Variants in LMBR1L observed in about 807,000 individuals in gnomAD.
LMBR1L encodes protein LMBR1L.
LMBR1L carries 47 observed loss-of-function variants against 67.3 expected under a neutral mutation model. The observed-to-expected ratio is 0.70, with a 90% CI of 0.55 to 0.89. The LOEUF (loss-of-function observed/expected upper bound fraction) is 0.89, where lower values mean the gene tolerates loss of function less well. Among genes scored for constraint, LMBR1L ranks in the 40% least tolerant of loss-of-function variants. LMBR1L has a pLI of 0.00. For missense variants in LMBR1L, 533 were observed against 599.2 expected, an observed-to-expected ratio of 0.89 and a Z score of 1.15; for synonymous variants, 247 against 250.3, an observed-to-expected ratio of 0.99 and a Z score of 0.13.
In LMBR1L at chr12:49,097,575, T is replaced by C. The variant is rs991178880; in HGVS notation, c.*97A>G. 8.0e-7 allele frequency: 1 copy of C among 1,244,500 alleles called. No individual in the cohort carries two copies. 77.1% of individuals were successfully genotyped at this position (1,244,500 alleles called of 1,614,324 possible). ...CCCCTCTGCCACCCACCCTCTCAGA[T>C]TCCAGGTCCTGAGGTCCAAGTAGCC... is the stretch of plus-strand genomic sequence containing the variant. On this transcript the variant is annotated 3_prime_UTR_variant, in exon 17 of 17. Transcript: ENST00000267102.
chr12:49,104,634 A>C, intron 4 of LMBR1L, 83 bp from the exon 5 acceptor site: 1 of 1,564,800 alleles, frequency 6.4e-7, no homozygotes, highest in Non-Finnish European at 8.8e-7. Context: ...GGAGAAGCAG[A>C]GTGGGAAGGT....
Position 49,097,744 on chromosome 12 carries a change from A to G in LMBR1L, c.1403-5T>C. The G allele has an allele frequency of 6.2e-7, 1 of 1,613,936 alleles. No homozygotes were observed. Among genetic ancestry groups the G allele is most frequent in the Non-Finnish European group, 8.5e-7 (1 of 1,179,920 alleles). The stretch of plus-strand genomic sequence containing the variant: ...GCAGCGGCAGTCTGTCCAGCCCTGG[A>G]GAAGAGGAGATGGGCAGTCAAAAGC... On this transcript the variant is annotated splice_region_variant and splice_polypyrimidine_tract_variant and intron_variant, in intron 16 of 16. Coordinates refer to ENST00000267102, the MANE Select transcript of LMBR1L (RefSeq NM_018113.4).
intron 4 of LMBR1L, 35 bp downstream of exon 4, chr12:49,104,711 A>G: frequency 1.2e-6 from 2 of 1,611,904 alleles, no homozygotes; most frequent in South Asian, 1.1e-5. Flanking sequence ...TCTGCTCCCT[A>G]TCCCTACCCC....
At chr12:49,108,731 C>CA (rs1292105586) in intron 1 of LMBR1L, among the ~76,000 whole-genome samples, 5 of 151,950 alleles carry the variant, frequency 3.3e-5, no homozygotes, top group Admixed American at 3.3e-4. Flanking sequence ...GAGACTAGGT[C>CA]AAAAACAAAA....
chr12:49,097,773 T>G (rs1236377135), intron 16 of LMBR1L, 34 bp from the exon 17 acceptor site: 2 of 1,613,498 alleles, frequency 1.2e-6, no homozygotes, highest in Non-Finnish European at 8.5e-7. Context: ...CAAAAGCAAG[T>G]CAAAGGTCCA....
Position 49,097,381 on chromosome 12 carries a change from GC to G in LMBR1L, c.*290del. 1 of 449,300 alleles carries G rather than the reference GC, an allele frequency of 2.2e-6. No individual in the cohort carries two copies. The highest frequency in any genetic ancestry group is 2.7e-5 in the South Asian group (1 of 37,210). The allele number at this position is 449,300 out of a possible 1,614,324, so 27.8% of individuals were successfully genotyped here. Reference sequence around the variant, plus strand: ...TCATGTAAACATGGCTATGGGGATGGCCCAGAACAGCAGTGAGGCAGATTGA... The same window carrying G: ...TCATGTAAACATGGCTATGGGGATGGCCAGAACAGCAGTGAGGCAGATTGA... On this transcript the variant is annotated 3_prime_UTR_variant, in exon 17 of 17. Coordinates refer to ENST00000267102, the MANE Select transcript of LMBR1L (RefSeq NM_018113.4).
At position 49,104,802 on chromosome 12, in the gene LMBR1L, A is replaced by C; in HGVS notation, c.275T>G (p.Leu92Arg). 6.2e-7 allele frequency: 1 copy of C among 1,613,900 alleles called. No homozygotes were observed. The highest frequency in any genetic ancestry group is 1.1e-5 in the South Asian group (1 of 90,986). ...LPFSIISNEVLLSLPRNYYIQ... is the reference protein window; with the variant it reads ...LPFSIISNEVRLSLPRNYYIQ... The stretch of plus-strand genomic sequence containing the variant: ...GTAGTAGTTCCGAGGCAGGGAGAGC[A>C]GCACCTCATTGCTGATGATGGAGAA... The change falls in exon 4 of 17, where the codon CTG (leucine) becomes CGG (arginine). Residue 92 changes from leucine to arginine, a missense_variant. By Grantham distance (102) the Leu-to-Arg change is moderately radical. Coordinates refer to ENST00000267102, the MANE Select transcript of LMBR1L (RefSeq NM_018113.4).
In LMBR1L at chr12:49,097,976, G is replaced by A. The variant is rs1361293156; in HGVS notation, c.1370C>T (p.Ala457Val). 2 of 1,613,896 alleles carry A rather than the reference G, an allele frequency of 1.2e-6. No homozygotes were observed. The change falls in exon 16 of 17, where the codon GCA (alanine) becomes GTA (valine). Residue 457 changes from alanine (A) to valine (V), a missense_variant. Ala to Val is a moderately conservative substitution (Grantham distance 64). Transcript: ENST00000267102. ...TTLCLVKTFTAAVRAELIRAF... is the reference protein window; with the variant it reads ...TTLCLVKTFTVAVRAELIRAF... Reference sequence around the variant, plus strand: ...CCGGATCAGCTCTGCCCGCACAGCTGCAGTGAAGGTCTTCACCAGACAGAG... The same window carrying A: ...CCGGATCAGCTCTGCCCGCACAGCTACAGTGAAGGTCTTCACCAGACAGAG...
At chr12:49,107,559 G>C (rs1215159271) in intron 1 of LMBR1L, among the ~76,000 whole-genome samples, 1 of 152,180 alleles carries the variant, frequency 6.6e-6, no homozygotes, top group African/African-American at 2.4e-5. Flanking sequence ...CATGTTTCTA[G>C]ACCAAGTCAC....
chr12:49,104,325 G>T, intron 5 of LMBR1L, 123 bp downstream of exon 5: 1 of 759,310 alleles, frequency 1.3e-6, no homozygotes, highest in Non-Finnish European at 2.2e-6. Context: ...ACTTCCTACT[G>T]TCACTAGAGC....
chr12:49,103,806 A>G lies in LMBR1L; in HGVS notation c.443T>C (p.Leu148Pro), dbSNP rs771922325. ...CACCACTGTCTCATAGACCCGGCCCAGGACACCCTACGGGAGGAGGCAACC... is the reference window on the plus strand; with the variant it reads ...CACCACTGTCTCATAGACCCGGCCCGGGACACCCTACGGGAGGAGGCAACC... ...EGFAGSRKGV[L>P]GRVYETVVML... The change falls in exon 6 of 17, where the codon CTG becomes CCG. Residue 148 changes from leucine to proline, a missense_variant. By Grantham distance (98) the Leu-to-Pro change is moderately conservative. Around this residue, in one of 3 missense-constraint regions of LMBR1L, gnomAD observed 246 missense variants for 249.0 expected, o/e 0.99. Transcript: ENST00000267102. 2.5e-6 allele frequency: 4 copies of G among 1,612,414 alleles called. No individual in the cohort carries two copies. Among genetic ancestry groups the G allele is most frequent in the Non-Finnish European group, 3.4e-6 (4 of 1,179,188 alleles).
Position 49,107,049 on chromosome 12 carries a change from T to A in LMBR1L, c.73-4A>T. ...TTGCAAACAGAAGTGTTGATATCTG[T>A]AGCAGAATATGAGCTGGGATGAGAA... On this transcript the variant is annotated splice_region_variant and splice_polypyrimidine_tract_variant and intron_variant, in intron 1 of 16. Coordinates refer to ENST00000267102, the MANE Select transcript of LMBR1L (RefSeq NM_018113.4). 6.2e-7 allele frequency: 1 copy of A among 1,603,542 alleles called. No homozygotes were observed. Among genetic ancestry groups the A allele is most frequent in the Non-Finnish European group, 8.5e-7 (1 of 1,170,346 alleles).
At chr12:49,099,581 CTT>C (rs869070798) in intron 15 of LMBR1L, among the ~76,000 whole-genome samples, 20 of 139,868 alleles carry the variant, frequency 1.4e-4, no homozygotes, top group Admixed American at 2.1e-4. Context: ...CACTCTTGAA[CTT>C]TTTTTTTTTT....
chr12:49,102,347 T>C lies in LMBR1L; in HGVS notation c.799A>G (p.Met267Val), dbSNP rs570873608. 3.7e-6 allele frequency: 6 copies of C among 1,614,172 alleles called. No individual in the cohort carries two copies. In the East Asian group the frequency reaches 6.7e-5, roughly 18 times the overall value. The change falls in exon 10 of 17, where the codon ATG (methionine) becomes GTG (valine). Residue 267 changes from methionine (M) to valine (V), a missense_variant. By Grantham distance (21) the Met-to-Val change is conservative (BLOSUM62 1). This residue lies in a region of LMBR1L where 64 missense variants were observed against 109.0 expected (regional missense o/e 0.59). Coordinates refer to ENST00000267102, the MANE Select transcript of LMBR1L (RefSeq NM_018113.4). Reference protein sequence around the residue: ...NPTSCWLPLDMELLHRQVLAL... With the variant: ...NPTSCWLPLDVELLHRQVLAL... Reference sequence around the variant, plus strand: ...AGGACCTGTCTGTGTAGCAGCTCCATGTCTAAAGGCAGCCAGCAGGAAGTA... The same window carrying C: ...AGGACCTGTCTGTGTAGCAGCTCCACGTCTAAAGGCAGCCAGCAGGAAGTA...
chr12:49,100,014 A>T (rs554028201), intron 15 of LMBR1L, among the ~76,000 whole-genome samples: 1 of 152,352 alleles, frequency 6.6e-6, no homozygotes, highest in Admixed American at 6.5e-5. Flanking sequence ...TCCTAGACTG[A>T]CTTGACCTTG....
chr12:49,098,700 G>C (rs1465434227), intron 15 of LMBR1L, among the ~76,000 whole-genome samples: 1 of 152,092 alleles, frequency 6.6e-6, no homozygotes. Flanking sequence ...CACCCTAAAG[G>C]AACTAACTGG....
intron 8 of LMBR1L, 74 bp downstream of exon 8, chr12:49,102,813 G>T: frequency 7.2e-7 from 1 of 1,380,492 alleles, no homozygotes; most frequent in Non-Finnish European, 1.0e-6. Flanking sequence ...CAACCATAGG[G>T]TTGTTTCATT....
Position 49,108,025 on chromosome 12 carries a change from G to A in LMBR1L, c.73-980C>T, listed in dbSNP as rs570636709. On this transcript the variant is annotated intron_variant, in intron 1 of 16. Transcript: ENST00000267102. Reference sequence around the variant, plus strand: ...CACGCCTGTAATCTCAGCACTTTGGGAGGCCACAGTGGGAGGATCATGAGG... The same window carrying A: ...CACGCCTGTAATCTCAGCACTTTGGAAGGCCACAGTGGGAGGATCATGAGG... Among the ~76,000 whole-genome samples the A allele has an allele frequency of 1.2e-4, 19 of 152,336 alleles. No individual in the cohort carries two copies. The East Asian group carries it at 3.1e-3, about 25-fold the overall frequency.
In LMBR1L at chr12:49,104,800, G is replaced by C. The variant is rs775567339; in HGVS notation, c.277C>G (p.Leu93Val). The C allele has an allele frequency of 6.2e-7, 1 of 1,613,862 alleles. No homozygotes were observed. The highest frequency in any genetic ancestry group is 1.1e-5 in the South Asian group (1 of 90,988). ...ATGTAGTAGTTCCGAGGCAGGGAGA[G>C]CAGCACCTCATTGCTGATGATGGAG... ...PFSIISNEVL[L>V]SLPRNYYIQW... Residue 93 changes from leucine to valine, a missense_variant, in exon 4 of 17, where the codon CTC (leucine) becomes GTC (valine). Coordinates refer to ENST00000267102, the MANE Select transcript of LMBR1L (RefSeq NM_018113.4).
Sources: gnomAD v4.1 joint callset for allele counts (sites outside exome capture counted in the v4.1 genomes callset) on GRCh38, gnomAD v4.1.1 for gene constraint, gnomAD v4.1.1 regional missense constraint, MANE v1.5 for transcripts, NCBI Gene and HGNC (gene_info 2026-07-23, HGNC 2026-07-21) for gene names.